Variants in MCOLN2 observed in about 807,000 individuals in gnomAD.
MCOLN2 encodes mucolipin-2.
A neutral mutation model predicts 67.5 loss-of-function variants in MCOLN2; 57 were observed. The observed-to-expected ratio is 0.84, with a 90% CI of 0.68 to 1.05. MCOLN2 has a LOEUF of 1.05. Ranked by LOEUF, MCOLN2 falls within the 50% of genes least tolerant of loss-of-function variation. The pLI is 0.00. For missense variants in MCOLN2, 620 were observed against 678.8 expected (o/e 0.91, Z 0.96); for synonymous variants, 246 against 233.3 (o/e 1.05, Z -0.50).
chr1:84,945,931 T>C (rs543336961), intron 7 of MCOLN2, among the ~76,000 whole-genome samples: 1 of 152,086 alleles, frequency 6.6e-6, no homozygotes, highest in Non-Finnish European at 1.5e-5. Flanking sequence ...GTGTTTTTAG[T>C]AGAGACGCGG....
chr1:84,934,024 T>C (rs1413412723), intron 11 of MCOLN2, among the ~76,000 whole-genome samples: 1 of 152,178 alleles, frequency 6.6e-6, no homozygotes, highest in Non-Finnish European at 1.5e-5. Flanking sequence ...AGAAGTGAGC[T>C]TAAAAATACT....
At chr1:84,972,170 G>A (rs1649725382) in intron 1 of MCOLN2, 1 of 152,098 alleles carries the variant, frequency 6.6e-6, no homozygotes, top group Admixed American at 6.6e-5. Flanking sequence ...GCTAACTTGT[G>A]GTAACATAAG....
intron 1 of MCOLN2, among the ~76,000 whole-genome samples, chr1:84,996,393 C>CATAT (rs6143310): frequency 0.016 from 2,003 of 123,218 alleles, 48 homozygotes; most frequent in African/African-American, 0.028. Flanking sequence ...GTATATATTT[C>CATAT]ATATATATAT....
chr1:84,996,757 C>T (rs1238676245), intron 1 of MCOLN2, 39 bp downstream of exon 1: 1 of 1,571,884 alleles, frequency 6.4e-7, no homozygotes, highest in East Asian at 2.2e-5. Flanking sequence ...AAGATTTCTC[C>T]AGTCCAGCAT....
At chr1:84,955,904 G>A (rs771151953) in intron 4 of MCOLN2, among the ~76,000 whole-genome samples, 6 of 152,066 alleles carry the variant, frequency 3.9e-5, no homozygotes, top group South Asian at 2.1e-4. Context: ...CAAACACCTC[G>A]TATTTACATA....
At chr1:84,947,637 T>C (rs1352852364) in intron 6 of MCOLN2, among the ~76,000 whole-genome samples, 1 of 152,164 alleles carries the variant, frequency 6.6e-6, no homozygotes, top group South Asian at 2.1e-4. Flanking sequence ...TTGAATCCAG[T>C]TTGGAGAGGT....
chr1:84,957,451 T>A (rs1648854601), intron 3 of MCOLN2, among the ~76,000 whole-genome samples: 1 of 152,188 alleles, frequency 6.6e-6, no homozygotes, highest in South Asian at 2.1e-4. Context: ...CTCTATTATT[T>A]CAGGAACATC....
chr1:84,990,967 T>C (rs966314342), intron 1 of MCOLN2, among the ~76,000 whole-genome samples: 1 of 151,990 alleles, frequency 6.6e-6, no homozygotes, highest in South Asian at 2.1e-4. Context: ...TATGTGTATA[T>C]AGACATTTTA....
chr1:84,963,778 C>T (rs1205740921), intron 2 of MCOLN2, among the ~76,000 whole-genome samples: 1 of 152,212 alleles, frequency 6.6e-6, no homozygotes, highest in Non-Finnish European at 1.5e-5. Context: ...ACCAGCCATG[C>T]TTCTTGTACA....
At chr1:84,987,318 GTATATAGA>G (rs1352447389) in intron 1 of MCOLN2, among the ~76,000 whole-genome samples, 8 of 134,096 alleles carry the variant, frequency 6.0e-5, no homozygotes, top group East Asian at 4.5e-4. Context: ...ACATCTATAT[GTATATAGA>G]TATATAGATA....
At chr1:84,984,295 A>G (rs553408556) in intron 1 of MCOLN2, among the ~76,000 whole-genome samples, 13 of 152,310 alleles carry the variant, frequency 8.5e-5, no homozygotes, top group Non-Finnish European at 1.8e-4. Context: ...CATACCAACT[A>G]TAACTTTATC....
At chr1:84,967,257 C>A (rs78862939) in intron 1 of MCOLN2, among the ~76,000 whole-genome samples, 80 of 152,306 alleles carry the variant, frequency 5.3e-4, no homozygotes, top group African/African-American at 1.9e-3. Flanking sequence ...TGAAGTAATC[C>A]ATCCCAAGTC....
At chr1:84,986,934 T>C (rs2102885734) in intron 1 of MCOLN2, among the ~76,000 whole-genome samples, 1 of 152,232 alleles carries the variant, frequency 6.6e-6, no homozygotes, top group South Asian at 2.1e-4. Flanking sequence ...CTGATGGGAA[T>C]GTAAACTCAT....
At chr1:84,947,604 G>C (rs780224874) in intron 6 of MCOLN2, among the ~76,000 whole-genome samples, 8 of 152,230 alleles carry the variant, frequency 5.3e-5, no homozygotes, top group Non-Finnish European at 1.0e-4. Context: ...TGCTACAGGA[G>C]AGCCCTCCAG....
chr1:84,987,590 A>G (rs1164393173), intron 1 of MCOLN2, among the ~76,000 whole-genome samples: 2 of 88,400 alleles, frequency 2.3e-5, no homozygotes, highest in Non-Finnish European at 5.0e-5. Context: ...AGATATATAC[A>G]TATGTATATA....
intron 1 of MCOLN2, among the ~76,000 whole-genome samples, chr1:84,981,980 A>C (rs4907018): frequency 0.43 from 65,521 of 151,504 alleles, 14,890 homozygotes; most frequent in East Asian, 0.63. Context: ...ATAAAAAATT[A>C]TTGCAAAAAA....
chr1:84,962,730 T>C (rs528479327), intron 2 of MCOLN2, among the ~76,000 whole-genome samples: 3 of 152,242 alleles, frequency 2.0e-5, no homozygotes, highest in South Asian at 2.1e-4. Context: ...AATCATTGGG[T>C]TGGCCTGTCT....
intron 1 of MCOLN2, among the ~76,000 whole-genome samples, chr1:84,996,192 T>C (rs1651137601): frequency 6.6e-6 from 1 of 152,030 alleles, no homozygotes; most frequent in Non-Finnish European, 1.5e-5. Context: ...GAAACCCACA[T>C]CCCATTTCTG....
At chr1:84,975,903 G>A (rs1040793468) in intron 1 of MCOLN2, among the ~76,000 whole-genome samples, 3 of 152,058 alleles carry the variant, frequency 2.0e-5, no homozygotes, top group Non-Finnish European at 4.4e-5. Context: ...GAATGTATCA[G>A]AGTCTCTTAA....
Sources: gnomAD v4.1 joint callset for allele counts (sites outside exome capture counted in the v4.1 genomes callset) on GRCh38, gnomAD v4.1.1 for gene constraint, MANE v1.5 for transcripts, NCBI Gene and HGNC (gene_info 2026-07-23, HGNC 2026-07-21) for gene names.